Variants in CPA6 observed in about 807,000 individuals in gnomAD.
CPA6 encodes carboxypeptidase A6.
Under a neutral mutation model 63.3 loss-of-function variants are expected in CPA6, and 58 were observed. The observed-to-expected ratio is 0.92, with a 90% CI of 0.74 to 1.14. The LOEUF is 1.14. Ranked by LOEUF, CPA6 falls within the 50% of genes most tolerant of loss-of-function variation. CPA6 has a pLI of 0.00. For synonymous variants in CPA6, 185 were observed against 179.0 expected (o/e 1.03, Z -0.27); for missense variants, 565 against 526.6 (o/e 1.07, Z -0.71).
chr8:67,456,011 G>A (rs1418983500), intron 8 of CPA6, among the ~76,000 whole-genome samples: 3 of 152,154 alleles, frequency 2.0e-5, no homozygotes, highest in Non-Finnish European at 4.4e-5. Flanking sequence ...CATTATGACT[G>A]TGCTCAGCCC....
At chr8:67,626,178 C>A (rs927953753) in intron 1 of CPA6, among the ~76,000 whole-genome samples, 1 of 152,094 alleles carries the variant, frequency 6.6e-6, no homozygotes, top group Non-Finnish European at 1.5e-5. Context: ...TCATAAATTA[C>A]CCAGTCTCAG....
intron 2 of CPA6, among the ~76,000 whole-genome samples, chr8:67,609,927 C>A (rs1048051212): frequency 6.6e-6 from 1 of 152,166 alleles, no homozygotes; most frequent in Non-Finnish European, 1.5e-5. Context: ...GAGGCTGTGA[C>A]AGGAGAATCG....
chr8:67,686,375 T>C (rs967224947), intron 1 of CPA6, among the ~76,000 whole-genome samples: 1 of 152,204 alleles, frequency 6.6e-6, no homozygotes, highest in African/African-American at 2.4e-5. Context: ...CATCTGTCAG[T>C]AAATTACTCA....
chr8:67,618,733 G>A (rs775333171), intron 2 of CPA6, among the ~76,000 whole-genome samples: 1 of 152,182 alleles, frequency 6.6e-6, no homozygotes, highest in Non-Finnish European at 1.5e-5. Context: ...CTACGAGAGT[G>A]TGTCAATTGT....
At chr8:67,484,536 G>T in intron 7 of CPA6, 143 bp downstream of exon 7, 1 of 520,566 alleles carries the variant, frequency 1.9e-6, no homozygotes. Context: ...CTCTGATTGG[G>T]GAAAGAGTGA....
intron 2 of CPA6, among the ~76,000 whole-genome samples, chr8:67,619,736 G>T (rs1815037659): frequency 6.6e-6 from 1 of 152,182 alleles, no homozygotes; most frequent in African/African-American, 2.4e-5. Flanking sequence ...ACTCAGCAAA[G>T]AAGTGTAGGA....
intron 2 of CPA6, among the ~76,000 whole-genome samples, chr8:67,544,169 G>T (rs906971691): frequency 5.3e-5 from 8 of 152,098 alleles, no homozygotes; most frequent in African/African-American, 1.7e-4. Context: ...CCTTTAGCTT[G>T]CAGGATTATT....
chr8:67,555,431 G>A (rs907877517), intron 2 of CPA6, among the ~76,000 whole-genome samples: 1 of 152,166 alleles, frequency 6.6e-6, no homozygotes, highest in Non-Finnish European at 1.5e-5. Context: ...AACATATGGA[G>A]GAGCTGGGAA....
chr8:67,697,717 A>G (rs1204870260), intron 1 of CPA6, among the ~76,000 whole-genome samples: 1 of 152,144 alleles, frequency 6.6e-6, no homozygotes, highest in Non-Finnish European at 1.5e-5. Flanking sequence ...TCTCGCAAGC[A>G]TTAGAGTTAC....
intron 1 of CPA6, among the ~76,000 whole-genome samples, chr8:67,713,227 C>G (rs1587722170): frequency 6.7e-6 from 1 of 148,690 alleles, no homozygotes; most frequent in African/African-American, 2.5e-5. Context: ...GACTACTGTA[C>G]CTTTTGTCTA....
intron 2 of CPA6, among the ~76,000 whole-genome samples, chr8:67,596,413 T>G (rs971905206): frequency 6.6e-5 from 10 of 152,218 alleles, no homozygotes; most frequent in African/African-American, 2.2e-4. Context: ...AGCTGCTTGT[T>G]TTAGTGAATG....
chr8:67,668,192 A>G (rs1816271623), intron 1 of CPA6, among the ~76,000 whole-genome samples: 1 of 152,262 alleles, frequency 6.6e-6, no homozygotes, highest in Non-Finnish European at 1.5e-5. Flanking sequence ...TATTCCTTTT[A>G]TGGCTAGAAA....
intron 2 of CPA6, among the ~76,000 whole-genome samples, chr8:67,619,063 T>C (rs948372231): frequency 2.0e-5 from 3 of 152,256 alleles, no homozygotes; most frequent in Non-Finnish European, 4.4e-5. Flanking sequence ...TAATTAACTA[T>C]GCTTTGACAG....
intron 1 of CPA6, among the ~76,000 whole-genome samples, chr8:67,715,229 C>T (rs189492622): frequency 2.6e-5 from 4 of 152,174 alleles, no homozygotes; most frequent in African/African-American, 7.2e-5. Context: ...GCCAGCCTCA[C>T]AAGCCTGCCT....
At chr8:67,649,426 C>G (rs1471645442) in intron 1 of CPA6, among the ~76,000 whole-genome samples, 1 of 152,080 alleles carries the variant, frequency 6.6e-6, no homozygotes, top group Non-Finnish European at 1.5e-5. Context: ...CAATGATGCC[C>G]AATAGTTTTT....
chr8:67,604,283 A>G (rs143556290), intron 2 of CPA6, among the ~76,000 whole-genome samples: 89 of 152,342 alleles, frequency 5.8e-4, no homozygotes, highest in Middle Eastern at 3.4e-3. Flanking sequence ...TGTGGCAGTT[A>G]GCAAAAGCTT....
At chr8:67,552,774 CAAAAAAAAAAAAA>C (rs762395117) in intron 2 of CPA6, among the ~76,000 whole-genome samples, 1 of 20,938 alleles carries the variant, frequency 4.8e-5, no homozygotes, top group African/African-American at 1.6e-4. Context: ...AAGACTGTCT[CAAAAAAAAAAAAA>C]AAAAAAAAAA....
chr8:67,610,345 C>A (rs1814772755), intron 2 of CPA6, among the ~76,000 whole-genome samples: 5 of 151,794 alleles, frequency 3.3e-5, no homozygotes, highest in Admixed American at 3.3e-4. Context: ...CAGACTCCAG[C>A]TTGGGTGACA....
rs1297586432 is a variant in CPA6, at chr8:67,434,184, A to T, written c.895T>A (p.Ser299Thr). 4.3e-6 allele frequency: 7 copies of T among 1,614,188 alleles called. No homozygotes were observed. In the South Asian group the frequency reaches 5.5e-5, roughly 13 times the overall value. Residue 299 changes from serine to threonine, a missense_variant, in exon 9 of 11, where the codon TCT becomes ACT. Transcript: ENST00000297770. Reference protein sequence around the residue: ...DDTYCGPFPESEPEVKAVANF... With the variant: ...DDTYCGPFPETEPEVKAVANF... ...GCTACAGCCTTCACTTCCGGCTCAG[A>T]TTCTGGAAAAGGGCCACAGTATGTG...
Sources: allele counts gnomAD v4.1 joint callset (sites outside exome capture counted in the v4.1 genomes callset), GRCh38; gene constraint gnomAD v4.1.1; transcripts MANE v1.5; gene names NCBI Gene and HGNC (gene_info 2026-07-23, HGNC 2026-07-21).